The following PTGER3 variants were observed in gnomAD, a reference collection of about 807,000 sequenced individuals.
PTGER3 encodes prostaglandin E receptor 3.
PTGER3 carries 22 observed loss-of-function variants against 34.7 expected under a neutral mutation model. The observed-to-expected ratio is 0.63, with a 90% CI of 0.45 to 0.91. PTGER3 has a LOEUF of 0.91. Among genes scored for constraint, PTGER3 ranks in the 40% least tolerant of loss-of-function variants. The pLI, the probability that PTGER3 is intolerant of heterozygous loss-of-function variation, is 0.00. For synonymous variants in PTGER3, 241 were observed against 230.1 expected, an observed-to-expected ratio of 1.05 and a Z score of -0.43; for missense variants, 468 against 519.4, an observed-to-expected ratio of 0.90 and a Z score of 0.96.
chr1:70,971,720 C>A lies in PTGER3; in HGVS notation c.*10G>T, dbSNP rs189812187. 5.1e-6 allele frequency: 8 copies of A among 1,561,244 alleles called. No individual in the cohort carries two copies. The highest frequency in any genetic ancestry group is 3.7e-5 in the South Asian group (3 of 80,720). ...GGAATTGCAATAAAATGTCCAACTC[C>A]GTTCTTTCATTATCTGTTAGAATAG... On this transcript the variant is annotated 3_prime_UTR_variant, in exon 4 of 4. Coordinates refer to ENST00000306666, the MANE Select transcript of PTGER3 (RefSeq NM_198719.2).
At chr1:70,858,133 C>T (rs1645849615) in intron 4 of PTGER3, among the ~76,000 whole-genome samples, 1 of 151,134 alleles carries the variant, frequency 6.6e-6, no homozygotes, top group African/African-American at 2.4e-5. Context: ...GTTCACATCT[C>T]AATTGGTAAA....
intron 1 of PTGER3, among the ~76,000 whole-genome samples, chr1:71,019,980 G>C (rs1175197366): frequency 6.6e-6 from 1 of 152,144 alleles, no homozygotes; most frequent in Non-Finnish European, 1.5e-5. Context: ...GGTTATGGGA[G>C]AATAACCTGC....
At chr1:71,031,245 AACACACACACACACACACACACAC>A (rs56278148) in intron 1 of PTGER3, among the ~76,000 whole-genome samples, 1 of 149,278 alleles carries the variant, frequency 6.7e-6, no homozygotes, top group Admixed American at 6.7e-5. Flanking sequence ...GTGGCAGGAA[AACACACACACACACACACACACAC>A]ACACACACAC....
intron 4 of PTGER3, among the ~76,000 whole-genome samples, chr1:70,896,470 C>T (rs1314619048): frequency 6.6e-6 from 1 of 152,142 alleles, no homozygotes; most frequent in African/African-American, 2.4e-5. Flanking sequence ...CAGATTATCC[C>T]TCCCAGTCCT....
intron 4 of PTGER3, among the ~76,000 whole-genome samples, chr1:70,867,185 A>G (rs1274246183): frequency 6.6e-6 from 1 of 152,220 alleles, no homozygotes; most frequent in East Asian, 1.9e-4. Context: ...CACCTCTAAG[A>G]GTTCTAACTT....
At chr1:71,026,195 T>G (rs889927523) in intron 1 of PTGER3, among the ~76,000 whole-genome samples, 5 of 152,208 alleles carry the variant, frequency 3.3e-5, no homozygotes, top group African/African-American at 1.2e-4. Context: ...TTTACCAGCT[T>G]TCTTTACAGC....
At chr1:70,898,556 G>T (rs1438279982) in intron 4 of PTGER3, among the ~76,000 whole-genome samples, 1 of 152,090 alleles carries the variant, frequency 6.6e-6, no homozygotes. Flanking sequence ...ACTGCATCAT[G>T]CAGAAAGAAC....
In PTGER3 at chr1:71,006,378, G is replaced by A. The variant is rs541609851; in HGVS notation, c.1077+5927C>T. On this transcript the variant is annotated intron_variant, in intron 2 of 3. Transcript: ENST00000306666. ...GGAAGACCAATAGTGACCTCAATAA[G>A]TACATGAACAAATAGCTGGGGATCC... The A allele has an allele frequency of 1.6e-5, 16 of 985,382 alleles. No homozygotes were observed. The South Asian group carries it at 7.5e-4, about 46-fold the overall frequency. 61.0% of individuals were successfully genotyped at this position (985,382 alleles called of 1,614,324 possible).
At chr1:70,988,208 G>A (rs12060001) in intron 2 of PTGER3, among the ~76,000 whole-genome samples, 35,009 of 152,020 alleles carry the variant, frequency 0.23, 4,236 homozygotes, top group Middle Eastern at 0.29. Context: ...CATAGTAACT[G>A]TGATCTTCAG....
At chr1:70,855,659 A>G (rs999494993) in intron 4 of PTGER3, among the ~76,000 whole-genome samples, 1 of 152,294 alleles carries the variant, frequency 6.6e-6, no homozygotes, top group South Asian at 2.1e-4. Flanking sequence ...AAGAATTATG[A>G]CAGAGTATTA....
At chr1:70,931,277 C>T (rs996836486) in intron 4 of PTGER3, among the ~76,000 whole-genome samples, 13 of 152,338 alleles carry the variant, frequency 8.5e-5, no homozygotes, top group African/African-American at 3.1e-4. Flanking sequence ...TACAGCCCCC[C>T]TTCTGGCTGC....
chr1:70,866,879 T>C (rs1000437640), intron 4 of PTGER3, among the ~76,000 whole-genome samples: 1 of 152,234 alleles, frequency 6.6e-6, no homozygotes, highest in Non-Finnish European at 1.5e-5. Flanking sequence ...TCAGCTTCTC[T>C]GCTCCGAATG....
chr1:70,895,515 A>G (rs1360463063), intron 4 of PTGER3, among the ~76,000 whole-genome samples: 1 of 152,260 alleles, frequency 6.6e-6, no homozygotes, highest in Non-Finnish European at 1.5e-5. Flanking sequence ...TTAAATCAGC[A>G]TCACTTTGTA....
chr1:70,911,784 A>G (rs550539524), intron 4 of PTGER3, among the ~76,000 whole-genome samples: 5 of 152,224 alleles, frequency 3.3e-5, no homozygotes, highest in Admixed American at 3.3e-4. Context: ...TAAAAATTTT[A>G]TTTGTTTGTT....
At chr1:70,864,661 C>T (rs934973361) in intron 4 of PTGER3, among the ~76,000 whole-genome samples, 6 of 152,200 alleles carry the variant, frequency 3.9e-5, no homozygotes, top group Non-Finnish European at 7.3e-5. Flanking sequence ...GAGATGCTCA[C>T]AGTTGGCAAT....
chr1:70,971,382 CACTT>C lies in PTGER3; in HGVS notation c.*344_*347del. 2 of 1,030,836 alleles carry C rather than the reference CACTT, an allele frequency of 1.9e-6. No individual in the cohort carries two copies. The highest frequency in any genetic ancestry group is 2.3e-6 in the Non-Finnish European group (2 of 860,290). The allele number at this position is 1,030,836 out of a possible 1,614,324, so 63.9% of individuals were successfully genotyped here. On this transcript the variant is annotated 3_prime_UTR_variant, in exon 4 of 4. Transcript: ENST00000306666. ...AGCTATCATGAAATGTAAAGATGTC[CACTT>C]TGGTTAAGATTCACGTAAAGGTTTG...
Position 71,032,904 on chromosome 1 carries a change from A to G in PTGER3, c.897+13777T>C, listed in dbSNP as rs1473506138. ...TTTAGAAAGAACAATGACAACAAAAAGTTTCTTCTGAGACCTAGCCTGGAA... is the reference window on the plus strand; with the variant it reads ...TTTAGAAAGAACAATGACAACAAAAGGTTTCTTCTGAGACCTAGCCTGGAA... On this transcript the variant is annotated intron_variant, in intron 1 of 3. Coordinates refer to ENST00000306666, the MANE Select transcript of PTGER3 (RefSeq NM_198719.2). 2.1e-4 allele frequency among the ~76,000 whole-genome samples: 32 copies of G among 152,154 alleles called. 1 individual carries two copies. Among genetic ancestry groups the G allele is most frequent in the Admixed American group, 2.1e-3 (32 of 15,280 alleles).
intron 4 of PTGER3, among the ~76,000 whole-genome samples, chr1:70,938,608 A>C (rs1649464544): frequency 6.6e-6 from 1 of 152,200 alleles, no homozygotes; most frequent in South Asian, 2.1e-4. Context: ...CTACGGTGGC[A>C]CATGGCTGGG....
chr1:70,880,518 C>T (rs1326222033), intron 4 of PTGER3, among the ~76,000 whole-genome samples: 1 of 151,166 alleles, frequency 6.6e-6, no homozygotes. Flanking sequence ...GGTGAAACCC[C>T]ATCTCTACTA....
Sources: gnomAD v4.1 joint callset for allele counts (sites outside exome capture counted in the v4.1 genomes callset) on GRCh38, gnomAD v4.1.1 for gene constraint, MANE v1.5 for transcripts, NCBI Gene and HGNC (gene_info 2026-07-23, HGNC 2026-07-21) for gene names.